The following ARL15 variants were observed in gnomAD, a reference collection of about 807,000 sequenced individuals.
The protein encoded by ARL15 is ADP-ribosylation factor-like protein 15.
ARL15 carries 19 observed loss-of-function variants against 25.2 expected under a neutral mutation model. The observed-to-expected ratio is 0.75, with a 90% confidence interval of 0.53 to 1.10. The LOEUF is 1.10. Ranked by LOEUF, ARL15 falls within the 50% of genes least tolerant of loss-of-function variation. The probability of loss-of-function intolerance (pLI) is 0.00; values close to 1 mark genes in which losing one functional copy is unlikely to be tolerated. For missense variants in ARL15, 220 were observed against 246.0 expected (o/e 0.89, Z 0.71); for synonymous variants, 94 against 86.8 (o/e 1.08, Z -0.46).
At position 54,183,133 on chromosome 5, in the gene ARL15, C is replaced by A. The variant is rs1475825279; in HGVS notation, c.49-11205G>T. 3.4e-5 allele frequency among the ~76,000 whole-genome samples: 4 copies of A among 118,428 alleles called. 1 individual carries two copies. The South Asian group carries it at 1.1e-3, about 33-fold the overall frequency. The allele number at this position is 118,428 out of a possible 152,430, so 77.7% of individuals were successfully genotyped here. Reference sequence around the variant, plus strand: ...GACTTCCTCTTTTCCTAATTGAATACCCGTTATTTCCTTCTCCTGCCTTAT... The same window carrying A: ...GACTTCCTCTTTTCCTAATTGAATAACCGTTATTTCCTTCTCCTGCCTTAT... On this transcript the variant is annotated intron_variant, in intron 1 of 4. Transcript: ENST00000504924.
At chr5:53,991,579 T>C (rs2111661150) in intron 4 of ARL15, among the ~76,000 whole-genome samples, 1 of 142,316 alleles carries the variant, frequency 7.0e-6, no homozygotes, top group South Asian at 2.3e-4. Flanking sequence ...CGGGGGGCAA[T>C]TGAAGCAATG....
rs70986660 is a variant in ARL15 at position 54,125,085 on chromosome 5, GTTTTTTT to G, written c.254-11682_254-11676del. 1.8e-3 allele frequency among the ~76,000 whole-genome samples: 248 copies of G among 136,468 alleles called. 2 individuals are homozygous for G. Among genetic ancestry groups the G allele is most frequent in the Admixed American group, 9.0e-3 (123 of 13,678 alleles). 89.5% of individuals were successfully genotyped at this position (136,468 alleles called of 152,430 possible). On this transcript the variant is annotated intron_variant, in intron 3 of 4. Transcript: ENST00000504924. ...CAAGTTTTTTGTTTTGTTTTGTTTT[GTTTTTTT>G]TTTTTTTGAGACACAGTCTCACTCT...
chr5:54,096,205 G>C (rs893641206), intron 4 of ARL15, among the ~76,000 whole-genome samples: 1 of 152,090 alleles, frequency 6.6e-6, no homozygotes, highest in African/African-American at 2.4e-5. Context: ...GCACTCCTTA[G>C]TACTCTTTAC....
intron 4 of ARL15, among the ~76,000 whole-genome samples, chr5:54,004,547 C>A (rs1748955049): frequency 6.6e-6 from 1 of 151,354 alleles, no homozygotes; most frequent in Non-Finnish European, 1.5e-5. Flanking sequence ...AGCTGTAGAA[C>A]AGTGACAGTG....
intron 4 of ARL15, among the ~76,000 whole-genome samples, chr5:53,940,199 T>C (rs989909043): frequency 9.2e-5 from 14 of 152,224 alleles, no homozygotes; most frequent in African/African-American, 2.4e-4. Flanking sequence ...GGTCTTGATC[T>C]CCTGACCCCG....
intron 4 of ARL15, among the ~76,000 whole-genome samples, chr5:53,972,854 T>C (rs1747796816): frequency 6.6e-6 from 1 of 152,230 alleles, no homozygotes; most frequent in Non-Finnish European, 1.5e-5. Flanking sequence ...ATCTATCTGA[T>C]GGTCTGTCTC....
intron 3 of ARL15, among the ~76,000 whole-genome samples, chr5:54,120,294 G>C (rs1022841167): frequency 6.6e-6 from 1 of 152,110 alleles, no homozygotes; most frequent in African/African-American, 2.4e-5. Context: ...CTGATATTAA[G>C]AATTCCTTAA....
At chr5:54,260,673 T>A (rs1757478799) in intron 1 of ARL15, among the ~76,000 whole-genome samples, 1 of 152,176 alleles carries the variant, frequency 6.6e-6, no homozygotes, top group South Asian at 2.1e-4. Flanking sequence ...ATTTTTCCTA[T>A]CTCAAGAGGG....
chr5:54,195,289 G>GA lies in ARL15; in HGVS notation c.49-23362dup, dbSNP rs1261061457. Among the ~76,000 whole-genome samples, 3 of 152,032 alleles carry GA rather than the reference G, an allele frequency of 2.0e-5. No individual in the cohort carries two copies. The East Asian group carries it at 5.8e-4, about 29-fold the overall frequency. ...TTCAGACATCATCAATGAAAATACA[G>GA]AAAAAAATCAACCCAGACTTTACTG... is the stretch of plus-strand genomic sequence containing the variant. On this transcript the variant is annotated intron_variant, in intron 1 of 4. Coordinates refer to ENST00000504924, the MANE Select transcript of ARL15 (RefSeq NM_019087.3).
chr5:54,249,949 GGT>G (rs1480087999), intron 1 of ARL15, among the ~76,000 whole-genome samples: 1 of 152,126 alleles, frequency 6.6e-6, no homozygotes, highest in Non-Finnish European at 1.5e-5. Flanking sequence ...CTGGTCATAG[GGT>G]GTGTCAGACC....
At chr5:54,197,686 G>C (rs867977924) in intron 1 of ARL15, among the ~76,000 whole-genome samples, 2 of 151,368 alleles carry the variant, frequency 1.3e-5, no homozygotes, top group African/African-American at 4.8e-5. Context: ...TCCAGGACCA[G>C]ATGGATTCAC....
chr5:54,038,621 T>G (rs536036661), intron 4 of ARL15, among the ~76,000 whole-genome samples: 2 of 152,248 alleles, frequency 1.3e-5, no homozygotes, highest in Non-Finnish European at 2.9e-5. Flanking sequence ...GACTTCCATT[T>G]GTTTCCATCT....
chr5:54,270,874 G>A (rs1268089644), intron 1 of ARL15, among the ~76,000 whole-genome samples: 4 of 152,228 alleles, frequency 2.6e-5, no homozygotes, highest in Admixed American at 1.3e-4. Flanking sequence ...GAGTCTGAGC[G>A]GACTAGGTGG....
chr5:54,117,102 A>G (rs933983569), intron 3 of ARL15, among the ~76,000 whole-genome samples: 4 of 152,180 alleles, frequency 2.6e-5, no homozygotes, highest in African/African-American at 9.7e-5. Flanking sequence ...ATTCCTCTTA[A>G]CTGAAACCAT....
intron 4 of ARL15, among the ~76,000 whole-genome samples, chr5:53,928,233 G>T (rs1746094118): frequency 6.6e-6 from 1 of 152,206 alleles, no homozygotes; most frequent in Admixed American, 6.5e-5. Context: ...ATGATTTATG[G>T]TTGCTTAGGT....
intron 4 of ARL15, among the ~76,000 whole-genome samples, chr5:54,016,307 A>G (rs1440295780): frequency 6.6e-6 from 1 of 152,138 alleles, no homozygotes; most frequent in African/African-American, 2.4e-5. Flanking sequence ...AATCCCTGTG[A>G]AAGAGATGGT....
rs190548649 is a variant in ARL15, at chr5:54,257,865, G to C, written c.48+52567C>G. 2.8e-3 allele frequency among the ~76,000 whole-genome samples: 424 copies of C among 152,112 alleles called. 1 individual carries two copies. Among genetic ancestry groups the C allele is most frequent in the Non-Finnish European group, 4.6e-3 (312 of 68,004 alleles). Reference sequence around the variant, plus strand: ...TCTGCTTTCCTGTTGGTTTTTTTCAGAGCTGTCTATAAACACAGGAGTATT... The same window carrying C: ...TCTGCTTTCCTGTTGGTTTTTTTCACAGCTGTCTATAAACACAGGAGTATT... On this transcript the variant is annotated intron_variant, in intron 1 of 4. Transcript: ENST00000504924.
chr5:54,223,974 A>G (rs1241143956), intron 1 of ARL15, among the ~76,000 whole-genome samples: 1 of 152,160 alleles, frequency 6.6e-6, no homozygotes, highest in Non-Finnish European at 1.5e-5. Context: ...AAAAGTACGC[A>G]TCAGTACAAG....
Position 53,935,428 on chromosome 5 carries a change from G to A in ARL15, c.463-48715C>T, listed in dbSNP as rs553987648. On this transcript the variant is annotated intron_variant, in intron 4 of 4. Transcript: ENST00000504924. ...AGCTGACTAAAGCATATAATAGCAA[G>A]CCTGTCCTCTTTAGAGGTGTCTAGC... 4.6e-4 allele frequency among the ~76,000 whole-genome samples: 70 copies of A among 152,318 alleles called. 1 individual carries two copies. Among genetic ancestry groups the A allele is most frequent in the Middle Eastern group, 3.4e-3 (1 of 294 alleles).
Sources: gnomAD v4.1 joint callset for allele counts (sites outside exome capture counted in the v4.1 genomes callset) on GRCh38, gnomAD v4.1.1 for gene constraint, MANE v1.5 for transcripts, NCBI Gene and HGNC (gene_info 2026-07-23, HGNC 2026-07-21) for gene names.